KIRREL3: variants seen among roughly 807,000 people sequenced by gnomAD.
KIRREL3 encodes the protein kin of IRRE-like protein 3.
KIRREL3 carries 36 observed loss-of-function variants against 89.7 expected under a neutral mutation model. That is an observed-to-expected ratio of 0.40 (90% CI 0.31 to 0.53). The LOEUF is 0.53. Among genes scored for constraint, KIRREL3 ranks in the 20% least tolerant of loss-of-function variants. The probability of loss-of-function intolerance (pLI) is 0.49; values close to 1 mark genes in which losing one functional copy is unlikely to be tolerated. For missense variants in KIRREL3, 864 were observed against 1,056.6 expected (o/e 0.82, Z 2.53); for synonymous variants, 445 against 441.4 (o/e 1.01, Z -0.10).
chr11:126,521,331 T>G lies in KIRREL3; in HGVS notation c.417A>C (p.Ala139=), dbSNP rs768309378. 7.1e-6 allele frequency: 11 copies of G among 1,549,692 alleles called. No individual in the cohort carries two copies. Among genetic ancestry groups the G allele is most frequent in the Non-Finnish European group, 9.6e-6 (11 of 1,145,808 alleles). Reference sequence around the variant, plus strand: ...GGTTCTTACCCAGGACTGTGAGGCGTGCGGGGCGGGAGCGGATGGCGGCCT... The same window carrying G: ...GGTTCTTACCCAGGACTGTGAGGCGGGCGGGGCGGGAGCGGATGGCGGCCT... ...AIQAAIRSRP[A]RLTVLVPPDD... Residue 139 remains alanine (A), a synonymous_variant, in exon 4 of 17, where the codon GCA becomes GCC. Transcript: ENST00000525144. This position sits in a 1 kb window ranked among gnomAD's most constrained non-coding sequence, Gnocchi z 4.1.
chr11:126,712,972 T>C (rs532450614), intron 1 of KIRREL3, among the ~76,000 whole-genome samples: 5 of 152,242 alleles, frequency 3.3e-5, no homozygotes, highest in African/African-American at 1.2e-4. Context: ...GTGTTGAGTG[T>C]TGGGTGCTAG....
chr11:126,973,492 G>C (rs1228954749), intron 1 of KIRREL3, among the ~76,000 whole-genome samples: 1 of 152,186 alleles, frequency 6.6e-6, no homozygotes, highest in Non-Finnish European at 1.5e-5. Context: ...CTTAGGTCTA[G>C]ATCCATTTCT....
In KIRREL3 at chr11:126,826,164, T is replaced by G. The variant is rs181407981; in HGVS notation, c.55+174291A>C. Among the ~76,000 whole-genome samples the G allele has an allele frequency of 4.4e-3, 671 of 152,276 alleles. 7 individuals are homozygous for G. The highest frequency in any genetic ancestry group is 0.017 in the South Asian group (81 of 4,816). On this transcript the variant is annotated intron_variant, in intron 1 of 16. Coordinates refer to ENST00000525144, the MANE Select transcript of KIRREL3 (RefSeq NM_032531.4). ...CCCCATGGTATTTGTGAAACCTCTGTCTGTGTGGTCATTAAGTTAACACCT... is the reference window on the plus strand; with the variant it reads ...CCCCATGGTATTTGTGAAACCTCTGGCTGTGTGGTCATTAAGTTAACACCT...
Position 126,646,214 on chromosome 11 carries a change from G to T in KIRREL3, c.56-83302C>A, listed in dbSNP as rs144853037. 4.2e-3 allele frequency among the ~76,000 whole-genome samples: 638 copies of T among 152,212 alleles called. 1 individual carries two copies. Among genetic ancestry groups the T allele is most frequent in the Non-Finnish European group, 6.8e-3 (465 of 68,010 alleles). ...TCGAGTCAGCACTGAATCGGTCTGG[G>T]TTTGTGCTCTAGCATCTGTGAATAA... is the stretch of plus-strand genomic sequence containing the variant. On this transcript the variant is annotated intron_variant, in intron 1 of 16. Coordinates refer to ENST00000525144, the MANE Select transcript of KIRREL3 (RefSeq NM_032531.4).
intron 1 of KIRREL3, among the ~76,000 whole-genome samples, chr11:126,971,930 C>T (rs1949433851): frequency 6.6e-6 from 1 of 152,024 alleles, no homozygotes; most frequent in Admixed American, 6.6e-5. Flanking sequence ...CCATTCAGTC[C>T]AGGATAGACA....
rs1011682875 is a variant in KIRREL3 at position 126,474,644 on chromosome 11, G to A, written c.434-1178C>T. On this transcript the variant is annotated intron_variant, in intron 4 of 16. Transcript: ENST00000525144. This position sits in a 1 kb window ranked among gnomAD's most constrained non-coding sequence, Gnocchi z 6.7. The stretch of plus-strand genomic sequence containing the variant: ...TGCATTTTGTAGTAGGGTCAGAGAC[G>A]GGTGGCTCCCATCAAGGGATCCTGA... Among the ~76,000 whole-genome samples, 1 of 152,210 alleles carries A rather than the reference G, an allele frequency of 6.6e-6. No individual in the cohort carries two copies. Among genetic ancestry groups the A allele is most frequent in the Non-Finnish European group, 1.5e-5 (1 of 68,026 alleles).
chr11:126,714,006 C>T (rs557125444), intron 1 of KIRREL3, among the ~76,000 whole-genome samples: 188 of 152,244 alleles, frequency 1.2e-3, no homozygotes, highest in Non-Finnish European at 8.5e-4. Flanking sequence ...AACACAGCCA[C>T]GCCCTCTGCA....
rs557295206 is a variant in KIRREL3, at chr11:126,616,886, C to T, written c.56-53974G>A. Among the ~76,000 whole-genome samples, 7 of 152,380 alleles carry T rather than the reference C, an allele frequency of 4.6e-5. No individual in the cohort carries two copies. In the South Asian group the frequency reaches 6.2e-4, roughly 14 times the overall value. ...TGAACTCCTGGGCTCAAGTGATCCT[C>T]CTGCCTTGGCCTCCCAAAGTGTTGG... On this transcript the variant is annotated intron_variant, in intron 1 of 16. Transcript: ENST00000525144.
chr11:126,469,214 C>T (rs1441488033), intron 5 of KIRREL3, among the ~76,000 whole-genome samples: 5 of 152,212 alleles, frequency 3.3e-5, no homozygotes, highest in Non-Finnish European at 5.9e-5. Context: ...CTCCTGAGCC[C>T]ACGGGGATAA....
chr11:126,561,414 A>G lies in KIRREL3; in HGVS notation c.133+1421T>C, dbSNP rs543865709. Among the ~76,000 whole-genome samples, 4 of 152,270 alleles carry G rather than the reference A, an allele frequency of 2.6e-5. No homozygotes were observed. The highest frequency in any genetic ancestry group is 6.5e-5 in the Admixed American group (1 of 15,296). ...AGCTCCTGACTTTTTGGCTTCCCCA[A>G]TCCCTACAAACCTCTTTCGAGCTTC... On this transcript the variant is annotated intron_variant, in intron 2 of 16. Coordinates refer to ENST00000525144, the MANE Select transcript of KIRREL3 (RefSeq NM_032531.4). This position sits in a 1 kb window ranked among gnomAD's most constrained non-coding sequence, Gnocchi z 4.5.
At chr11:126,700,052 A>G (rs1197586475) in intron 1 of KIRREL3, among the ~76,000 whole-genome samples, 2 of 152,044 alleles carry the variant, frequency 1.3e-5, no homozygotes, top group Non-Finnish European at 2.9e-5. Context: ...AAATTCATTG[A>G]GCGTGGTGGC....
At position 126,441,562 on chromosome 11, in the gene KIRREL3, A is replaced by G. The variant is rs78566149; in HGVS notation, c.1253-1013T>C. Among the ~76,000 whole-genome samples, 236 of 152,344 alleles carry G rather than the reference A, an allele frequency of 1.5e-3. 3 individuals carry two copies. Among genetic ancestry groups the G allele is most frequent in the African/African-American group, 5.2e-3 (217 of 41,590 alleles). Reference sequence around the variant, plus strand: ...TGCTCCCTTTCCAATCCCTGGGGTCACAGTTGGGACTTAGATGGCAGATAC... The same window carrying G: ...TGCTCCCTTTCCAATCCCTGGGGTCGCAGTTGGGACTTAGATGGCAGATAC... On this transcript the variant is annotated intron_variant, in intron 10 of 16. Transcript: ENST00000525144. The surrounding 1 kb of genome is among the most constrained non-coding windows in gnomAD (Gnocchi z 5.0).
At chr11:126,875,701 T>A (rs537262739) in intron 1 of KIRREL3, among the ~76,000 whole-genome samples, 1 of 152,252 alleles carries the variant, frequency 6.6e-6, no homozygotes, top group Non-Finnish European at 1.5e-5. Context: ...GATAAGGTTT[T>A]GCTTTTAAAA....
In KIRREL3 at chr11:126,892,202, T is replaced by C. The variant is rs1298950940; in HGVS notation, c.55+108253A>G. 6.6e-6 allele frequency among the ~76,000 whole-genome samples: 1 copy of C among 152,144 alleles called. No homozygotes were observed. ...TTGAAATTTTACAGGGAACAATATTTAAAATAGCTAAGAGGGGCTGCCATG... is the reference window on the plus strand; with the variant it reads ...TTGAAATTTTACAGGGAACAATATTCAAAATAGCTAAGAGGGGCTGCCATG... On this transcript the variant is annotated intron_variant, in intron 1 of 16. Coordinates refer to ENST00000525144, the MANE Select transcript of KIRREL3 (RefSeq NM_032531.4). This position sits in a 1 kb window ranked among gnomAD's most constrained non-coding sequence, Gnocchi z 5.4.
chr11:126,567,118 G>A (rs1209929582), intron 1 of KIRREL3, among the ~76,000 whole-genome samples: 4 of 152,340 alleles, frequency 2.6e-5, no homozygotes. Flanking sequence ...CACCAATTCT[G>A]TGTTCCCCTC....
At position 126,536,000 on chromosome 11, in the gene KIRREL3, G is replaced by C. The variant is rs908543224; in HGVS notation, c.134-9313C>G. On this transcript the variant is annotated intron_variant, in intron 2 of 16. Coordinates refer to ENST00000525144, the MANE Select transcript of KIRREL3 (RefSeq NM_032531.4). This position sits in a 1 kb window ranked among gnomAD's most constrained non-coding sequence, Gnocchi z 4.5. ...ACTCCATCACAAAAAAAAAGATTTT[G>C]GTTGAATGAATTTTTCTAGGAGAAT... is the stretch of plus-strand genomic sequence containing the variant. Among the ~76,000 whole-genome samples the C allele has an allele frequency of 1.3e-5, 2 of 151,102 alleles. No individual in the cohort carries two copies. Among genetic ancestry groups the C allele is most frequent in the African/African-American group, 4.9e-5 (2 of 41,086 alleles).
At position 126,655,024 on chromosome 11, in the gene KIRREL3, C is replaced by T. The variant is rs899064931; in HGVS notation, c.56-92112G>A. Among the ~76,000 whole-genome samples the T allele has an allele frequency of 6.6e-6, 1 of 152,212 alleles. No homozygotes were observed. Among genetic ancestry groups the T allele is most frequent in the African/African-American group, 2.4e-5 (1 of 41,462 alleles). On this transcript the variant is annotated intron_variant, in intron 1 of 16. Coordinates refer to ENST00000525144, the MANE Select transcript of KIRREL3 (RefSeq NM_032531.4). This position sits in a 1 kb window ranked among gnomAD's most constrained non-coding sequence, Gnocchi z 5.0. Reference sequence around the variant, plus strand: ...AGGAAGGAAGACACCGAAAGATGTTCCTAGCTGGCACAGGCTGTGCTGAAC... The same window carrying T: ...AGGAAGGAAGACACCGAAAGATGTTTCTAGCTGGCACAGGCTGTGCTGAAC...
chr11:127,003,103 T>G (rs1276076918), upstream of KIRREL3: 4 of 146,928 alleles, frequency 2.7e-5, 1 homozygote, highest in African/African-American at 7.6e-5. Context: ...TAACCTCCGG[T>G]CTCCCGCAGA....
chr11:126,469,059 G>A (rs79257056), intron 5 of KIRREL3, among the ~76,000 whole-genome samples: 3,951 of 152,294 alleles, frequency 0.026, 175 homozygotes, highest in African/African-American at 0.089. Flanking sequence ...TGTGCCAGGC[G>A]TGTTTCTCAT....
Sources: allele counts gnomAD v4.1 joint callset (sites outside exome capture counted in the v4.1 genomes callset), GRCh38; gene constraint gnomAD v4.1.1; non-coding constraint Gnocchi (gnomAD v3.1); transcripts MANE v1.5; gene names NCBI Gene and HGNC (gene_info 2026-07-23, HGNC 2026-07-21).